Variants in KCNQ1 observed in about 807,000 individuals in gnomAD.
The protein encoded by KCNQ1 is potassium voltage-gated channel subfamily KQT member 1.
In KCNQ1, 49 loss-of-function variants were observed where a neutral mutation model predicts 72.4. The ratio of observed to expected loss-of-function variants is 0.68; its 90% CI spans 0.54 to 0.86. The LOEUF (loss-of-function observed/expected upper bound fraction) is 0.86. Ranked by LOEUF, KCNQ1 falls within the 40% of genes least tolerant of loss-of-function variation. KCNQ1 has a pLI of 0.00. For missense variants in KCNQ1, 790 were observed against 945.1 expected (o/e 0.84, Z 2.15); for synonymous variants, 450 against 412.6 (o/e 1.09, Z -1.10).
At position 2,600,515 on chromosome 11, in the gene KCNQ1, A is replaced by T. The variant is rs1848787349; in HGVS notation, c.1393+11661A>T. ...TTTTTCTGAAACATCTGTGAGTTGC[A>T]TACTCCACAGCTCTTTGCCCCTAAA... On this transcript the variant is annotated intron_variant, in intron 10 of 15. Transcript: ENST00000155840. The surrounding 1 kb of genome is among the most constrained non-coding windows in gnomAD (Gnocchi z 5.6). Among the ~76,000 whole-genome samples, 1 of 152,236 alleles carries T rather than the reference A, an allele frequency of 6.6e-6. No individual in the cohort carries two copies. The highest frequency in any genetic ancestry group is 2.1e-4 in the South Asian group (1 of 4,830).
Position 2,526,363 on chromosome 11 carries a change from C to A in KCNQ1, c.387-1565C>A, listed in dbSNP as rs186393133. 3.3e-5 allele frequency among the ~76,000 whole-genome samples: 5 copies of A among 151,860 alleles called. No individual in the cohort carries two copies. The highest frequency in any genetic ancestry group is 7.4e-5 in the Non-Finnish European group (5 of 67,954). ...GACCGGTGTGGCAGGGACAGGGTGT[C>A]GGTGAGGCAGGTGGCTGAGGAAATG... On this transcript the variant is annotated intron_variant, in intron 1 of 15. Coordinates refer to ENST00000155840, the MANE Select transcript of KCNQ1 (RefSeq NM_000218.3). This position sits in a 1 kb window ranked among gnomAD's most constrained non-coding sequence, Gnocchi z 6.1.
intron 15 of KCNQ1, among the ~76,000 whole-genome samples, chr11:2,796,147 T>G (rs951517891): frequency 6.6e-6 from 1 of 152,220 alleles, no homozygotes. Context: ...CCTCCCGGCA[T>G]GCATGAAAAC....
rs910483809 is a variant in KCNQ1 at position 2,695,351 on chromosome 11, C to T, written c.1514+33270C>T. 1.3e-5 allele frequency: 5 copies of T among 398,476 alleles called. No homozygotes were observed. The highest frequency in any genetic ancestry group is 4.1e-5 in the African/African-American group (2 of 48,676). The allele number at this position is 398,476 out of a possible 1,614,324, so 24.7% of individuals were successfully genotyped here. A position where few individuals can be genotyped will look rare whatever the true frequency, so the allele number is the denominator to read the frequency against. The stretch of plus-strand genomic sequence containing the variant: ...CATTGTGTGTGTGTGTGTGCACTCA[C>T]GAGCACTCCCTAGTACTGCGTGTCT... On this transcript the variant is annotated intron_variant, in intron 11 of 15. Coordinates refer to ENST00000155840, the MANE Select transcript of KCNQ1 (RefSeq NM_000218.3). This position sits in a 1 kb window ranked among gnomAD's most constrained non-coding sequence, Gnocchi z 5.2.
Position 2,647,327 on chromosome 11 carries a change from A to G in KCNQ1, c.1394-14634A>G, listed in dbSNP as rs922111060. 1 of 398,524 alleles carries G rather than the reference A, an allele frequency of 2.5e-6. No homozygotes were observed. The allele number at this position is 398,524 out of a possible 1,614,324, so 24.7% of individuals were successfully genotyped here. ...TCCTTGAATCCCTGGGATAAATCCC[A>G]CTTGATTATGGTGTATTATCTTTTT... On this transcript the variant is annotated intron_variant, in intron 10 of 15. Coordinates refer to ENST00000155840, the MANE Select transcript of KCNQ1 (RefSeq NM_000218.3). This position sits in a 1 kb window ranked among gnomAD's most constrained non-coding sequence, Gnocchi z 4.0.
intron 2 of KCNQ1, among the ~76,000 whole-genome samples, chr11:2,555,192 T>G (rs1325693538): frequency 6.6e-6 from 1 of 152,376 alleles, no homozygotes; most frequent in East Asian, 1.9e-4. Context: ...GCTCAGCCCC[T>G]GGTCTCTTTG....
chr11:2,485,980 T>C, intron 1 of KCNQ1, among the ~76,000 whole-genome samples: 1 of 152,270 alleles, frequency 6.6e-6, no homozygotes, highest in East Asian at 1.9e-4. Context: ...TTTTAGCTAT[T>C]GTGAATAATG....
intron 11 of KCNQ1, among the ~76,000 whole-genome samples, chr11:2,718,011 G>A (rs1796580408): frequency 6.6e-6 from 1 of 152,244 alleles, no homozygotes; most frequent in South Asian, 2.1e-4. Flanking sequence ...TCGCAGAAGT[G>A]AACCTTGTTT....
At chr11:2,576,072 C>T (rs1321813682) in intron 6 of KCNQ1, among the ~76,000 whole-genome samples, 1 of 152,242 alleles carries the variant, frequency 6.6e-6, no homozygotes, top group African/African-American at 2.4e-5. Context: ...CCAGGTGATC[C>T]AGGAGGAGCT....
chr11:2,627,682 G>C lies in KCNQ1; in HGVS notation c.1394-34279G>C. 1.8e-5 allele frequency: 7 copies of C among 398,472 alleles called. No individual in the cohort carries two copies. Among genetic ancestry groups the C allele is most frequent in the Non-Finnish European group, 2.7e-5 (6 of 226,032 alleles). The allele number at this position is 398,472 out of a possible 1,614,324, so 24.7% of individuals were successfully genotyped here. A position where few individuals can be genotyped will look rare whatever the true frequency, so the allele number is the denominator to read the frequency against. ...ATTGTGTGTGTGTATATATGTGTGTGTGTGTGTCTGTATGTATATGTATGT... is the reference window on the plus strand; with the variant it reads ...ATTGTGTGTGTGTATATATGTGTGTCTGTGTGTCTGTATGTATATGTATGT... On this transcript the variant is annotated intron_variant, in intron 10 of 15. Transcript: ENST00000155840. The surrounding 1 kb of genome is among the most constrained non-coding windows in gnomAD (Gnocchi z 4.9).
intron 15 of KCNQ1, among the ~76,000 whole-genome samples, chr11:2,841,611 G>A (rs1235061209): frequency 6.6e-6 from 1 of 152,244 alleles, no homozygotes; most frequent in Non-Finnish European, 1.5e-5. Flanking sequence ...CTCCCGCTGG[G>A]ACACGCTGAG....
At chr11:2,487,912 A>G (rs1207904183) in intron 1 of KCNQ1, among the ~76,000 whole-genome samples, 1 of 152,024 alleles carries the variant, frequency 6.6e-6, no homozygotes, top group Non-Finnish European at 1.5e-5. Flanking sequence ...TACAATGTTG[A>G]ATAGAAGTGG....
rs1487590157 is a variant in KCNQ1 at position 2,789,613 on chromosome 11, G to A, written c.1794+11576G>A. On this transcript the variant is annotated intron_variant, in intron 15 of 15. Transcript: ENST00000155840. ...AGCCACAGCACCCAGGACGCAGCTG[G>A]GAAGGGAGGCCAGGGGACAGCTGCG... is the stretch of plus-strand genomic sequence containing the variant. Among the ~76,000 whole-genome samples, 3 of 152,186 alleles carry A rather than the reference G, an allele frequency of 2.0e-5. No individual in the cohort carries two copies. In the East Asian group the frequency reaches 5.8e-4, roughly 29 times the overall value.
intron 1 of KCNQ1, among the ~76,000 whole-genome samples, chr11:2,453,215 A>T (rs946651389): frequency 1.3e-5 from 2 of 152,164 alleles, no homozygotes; most frequent in African/African-American, 4.8e-5. Context: ...CTCTACTAAA[A>T]ATACAGAATT....
chr11:2,567,725 T>TGG lies in KCNQ1; in HGVS notation c.478-2900_478-2899dup, dbSNP rs1051447611. Among the ~76,000 whole-genome samples, 7 of 152,186 alleles carry TGG rather than the reference T, an allele frequency of 4.6e-5. No individual in the cohort carries two copies. Among genetic ancestry groups the TGG allele is most frequent in the African/African-American group, 1.7e-4 (7 of 41,446 alleles). On this transcript the variant is annotated intron_variant, in intron 2 of 15. Transcript: ENST00000155840. The surrounding 1 kb of genome is among the most constrained non-coding windows in gnomAD (Gnocchi z 6.6). Reference sequence around the variant, plus strand: ...CTGCCTTCCCACATCCAGCTGGATTTGGGGATCAGTGTTGTTTTTAATCAT... The same window carrying TGG: ...CTGCCTTCCCACATCCAGCTGGATTTGGGGGGATCAGTGTTGTTTTTAATCAT...
In KCNQ1 at chr11:2,683,458, G is replaced by T. The variant is rs1850431882; in HGVS notation, c.1514+21377G>T. On this transcript the variant is annotated intron_variant, in intron 11 of 15. Transcript: ENST00000155840. The surrounding 1 kb of genome is among the most constrained non-coding windows in gnomAD (Gnocchi z 4.7). ...CTGGAAAAATGTAGGAATTACATAT[G>T]ATTCCATCAATGACAGTTTTCCTAT... 1 of 398,626 alleles carries T rather than the reference G, an allele frequency of 2.5e-6. No individual in the cohort carries two copies. The highest frequency in any genetic ancestry group is 4.4e-6 in the Non-Finnish European group (1 of 226,074). The allele number at this position is 398,626 out of a possible 1,614,324, so 24.7% of individuals were successfully genotyped here.
In KCNQ1 at chr11:2,517,237, G is replaced by A. The variant is rs138957827; in HGVS notation, c.387-10691G>A. Among the ~76,000 whole-genome samples, 840 of 152,340 alleles carry A rather than the reference G, an allele frequency of 5.5e-3. 9 individuals carry two copies. The highest frequency in any genetic ancestry group is 0.019 in the African/African-American group (804 of 41,576). On this transcript the variant is annotated intron_variant, in intron 1 of 15. Transcript: ENST00000155840. ...CCATCAGTCCCCACCCTGCAGGGCCGTTGAAGAGGGAATGCACACCTGTCA... is the reference window on the plus strand; with the variant it reads ...CCATCAGTCCCCACCCTGCAGGGCCATTGAAGAGGGAATGCACACCTGTCA...
At chr11:2,586,813 G>A (rs941677107) in intron 8 of KCNQ1, among the ~76,000 whole-genome samples, 3 of 152,084 alleles carry the variant, frequency 2.0e-5, no homozygotes, top group Admixed American at 1.3e-4. Context: ...TTCTCCACTC[G>A]GCCCTCTCTC....
intron 1 of KCNQ1, among the ~76,000 whole-genome samples, chr11:2,506,633 T>C (rs1442820561): frequency 2.0e-5 from 3 of 152,250 alleles, no homozygotes; most frequent in Non-Finnish European, 4.4e-5. Flanking sequence ...AATGGGAGTG[T>C]TGGGCTGAAA....
At chr11:2,449,688 C>T (rs760062878) in intron 1 of KCNQ1, among the ~76,000 whole-genome samples, 2 of 152,194 alleles carry the variant, frequency 1.3e-5, no homozygotes, top group African/African-American at 2.4e-5. Flanking sequence ...GGCAGGAGCA[C>T]CGTGCCCACC....
Sources: gnomAD v4.1 joint callset for allele counts (sites outside exome capture counted in the v4.1 genomes callset) on GRCh38, gnomAD v4.1.1 for gene constraint, Gnocchi (gnomAD v3.1) non-coding constraint, MANE v1.5 for transcripts, NCBI Gene and HGNC (gene_info 2026-07-23, HGNC 2026-07-21) for gene names.